DMD: variants seen among roughly 807,000 people sequenced by gnomAD.
The protein encoded by DMD is mutant dystrophin.
In DMD, 63 loss-of-function variants were observed where a neutral mutation model predicts 330.1. The ratio of observed to expected loss-of-function variants is 0.19; its 90% CI spans 0.16 to 0.24. The LOEUF (loss-of-function observed/expected upper bound fraction) is 0.24, where lower values mean the gene tolerates loss of function less well. Among genes scored for constraint, DMD ranks in the 10% least tolerant of loss-of-function variants. DMD has a pLI of 1.00. For synonymous variants in DMD, 1,223 were observed against 959.8 expected (o/e 1.27, Z -5.07); for missense variants, 3,344 against 2,684.1 (o/e 1.25, Z -5.43).
chrX:31,353,969 G>A (rs1192810295), intron 60 of DMD, among the ~76,000 whole-genome samples: 13 of 111,871 alleles, frequency 1.2e-4, no homozygotes, highest in Non-Finnish European at 1.9e-5. Flanking sequence ...CATACATCCT[G>A]TTTCAACTAT....
At chrX:31,328,488 CAG>C (rs1361663891) in intron 61 of DMD, among the ~76,000 whole-genome samples, 1 of 110,777 alleles carries the variant, frequency 9.0e-6, no homozygotes, top group African/African-American at 3.3e-5. Context: ...CTGTAAAACT[CAG>C]AGTTTAGAAA....
chrX:33,065,101 T>C (rs1011238639), intron 1 of DMD, among the ~76,000 whole-genome samples: 2 of 111,254 alleles, frequency 1.8e-5, no homozygotes. Flanking sequence ...TTAGGTTTGG[T>C]GGTTGGAGGT....
At chrX:31,297,320 G>A (rs761163916) in intron 62 of DMD, among the ~76,000 whole-genome samples, 103 of 111,017 alleles carry the variant, frequency 9.3e-4, no homozygotes, top group Non-Finnish European at 1.6e-3. Context: ...TCTGAAGACC[G>A]CTATTCCCAG....
At chrX:31,953,083 T>G (rs745556472) in intron 45 of DMD, among the ~76,000 whole-genome samples, 2 of 112,579 alleles carry the variant, frequency 1.8e-5, no homozygotes, top group South Asian at 3.7e-4. Context: ...TTTATATGTG[T>G]TAAAGGGTAT....
intron 44 of DMD, among the ~76,000 whole-genome samples, chrX:32,024,786 G>C (rs190546410): frequency 1.1e-3 from 120 of 111,632 alleles, no homozygotes; most frequent in Non-Finnish European, 2.1e-3. Context: ...ACAACACTTA[G>C]GCATCATCAT....
At chrX:32,434,284 C>CT (rs1490487180) in intron 29 of DMD, among the ~76,000 whole-genome samples, 3 of 111,938 alleles carry the variant, frequency 2.7e-5, no homozygotes, top group African/African-American at 9.7e-5. Context: ...TTAAAAGGCA[C>CT]TTTGTTTATT....
At position 33,336,646 on chromosome X, in the gene DMD, T is replaced by C. The variant is rs756380457; in HGVS notation, c.7+2613A>G. ...TTGAGAGAATTGGGGAAAACTCACA[T>C]AGATTTATAAAAGTCACTAATTCTG... is the stretch of plus-strand genomic sequence containing the variant. On this transcript the variant is annotated intron_variant, in intron 1 of 17. Coordinates refer to the DMD transcript ENST00000288447. Among the ~76,000 whole-genome samples the C allele has an allele frequency of 1.8e-3, 198 of 111,970 alleles. 1 individual carries two copies. Among genetic ancestry groups the C allele is most frequent in the African/African-American group, 6.3e-3 (194 of 30,951 alleles).
intron 43 of DMD, among the ~76,000 whole-genome samples, chrX:32,240,813 G>T (rs1603628938): frequency 9.0e-6 from 1 of 111,423 alleles, no homozygotes; most frequent in Admixed American, 9.6e-5. Context: ...ACTCACTCAC[G>T]TCTGCTGGGA....
At chrX:32,763,483 T>C (rs950711747) in intron 7 of DMD, among the ~76,000 whole-genome samples, 1 of 112,120 alleles carries the variant, frequency 8.9e-6, no homozygotes, top group South Asian at 3.7e-4. Context: ...TGTATTCATA[T>C]GTGAGGATGA....
chrX:32,902,158 A>AACACACACACACACACACAC (rs774414536), intron 2 of DMD, among the ~76,000 whole-genome samples: 2 of 86,598 alleles, frequency 2.3e-5, no homozygotes, highest in Non-Finnish European at 4.4e-5. Context: ...CACACACACA[A>AACACACACACACACACACAC]ACACACACAC....
intron 12 of DMD, among the ~76,000 whole-genome samples, chrX:32,613,634 A>G (rs1285055795): frequency 9.0e-6 from 1 of 110,752 alleles, no homozygotes; most frequent in Non-Finnish European, 1.9e-5. Flanking sequence ...ATTAAAAAAA[A>G]TCGTAGCCTT....
At chrX:31,688,959 G>A (rs1227731510) in intron 52 of DMD, among the ~76,000 whole-genome samples, 1 of 111,550 alleles carries the variant, frequency 9.0e-6, no homozygotes, top group Admixed American at 9.5e-5. Context: ...AGGTATTGAT[G>A]GGACGTATCT....
At chrX:32,720,372 G>C (rs990508902) in intron 7 of DMD, among the ~76,000 whole-genome samples, 6 of 111,630 alleles carry the variant, frequency 5.4e-5, no homozygotes, top group Non-Finnish European at 9.4e-5. Context: ...GCTCTTCTTA[G>C]ATAATTTCTA....
At chrX:31,607,715 A>G (rs1421724872) in intron 55 of DMD, among the ~76,000 whole-genome samples, 1 of 112,281 alleles carries the variant, frequency 8.9e-6, no homozygotes, top group Non-Finnish European at 1.9e-5. Context: ...TCAAATACAG[A>G]CAAGTCTAAT....
At chrX:31,507,054 G>A (rs2071022313) in intron 56 of DMD, among the ~76,000 whole-genome samples, 1 of 111,772 alleles carries the variant, frequency 8.9e-6, no homozygotes, top group Non-Finnish European at 1.9e-5. Context: ...TAATATGCAT[G>A]TCTCCTATGT....
chrX:31,537,524 G>A (rs2073492143), intron 55 of DMD, among the ~76,000 whole-genome samples: 1 of 111,894 alleles, frequency 8.9e-6, no homozygotes, highest in African/African-American at 3.2e-5. Flanking sequence ...ACATACCTAG[G>A]TATCACAACT....
chrX:33,167,003 A>G (rs2049089948), intron 1 of DMD, among the ~76,000 whole-genome samples: 1 of 111,212 alleles, frequency 9.0e-6, no homozygotes, highest in South Asian at 3.7e-4. Context: ...TTAAGTACCT[A>G]CTATGGAGCA....
chrX:33,309,836 A>G (rs902112987), intron 1 of DMD, among the ~76,000 whole-genome samples: 2 of 111,025 alleles, frequency 1.8e-5, no homozygotes, highest in Non-Finnish European at 3.8e-5. Flanking sequence ...AAAAAAAGTA[A>G]TGTAGAAGTA....
intron 12 of DMD, among the ~76,000 whole-genome samples, chrX:32,607,341 C>G (rs2056812284): frequency 9.1e-6 from 1 of 110,428 alleles, no homozygotes; most frequent in African/African-American, 3.3e-5. Context: ...TTTCTAATAA[C>G]TTGGTAATCA....
Sources: allele counts gnomAD v4.1 joint callset (sites outside exome capture counted in the v4.1 genomes callset), GRCh38; gene constraint gnomAD v4.1.1; transcripts MANE v1.5; gene names NCBI Gene and HGNC (gene_info 2026-07-23, HGNC 2026-07-21).